The following CNTNAP2 variants were observed in gnomAD, a reference collection of about 807,000 sequenced individuals.
The protein encoded by CNTNAP2 is contactin-associated protein-like 2.
A neutral mutation model predicts 155.2 loss-of-function variants in CNTNAP2; 98 were observed. That is an observed-to-expected ratio of 0.63 (90% CI 0.54 to 0.75). CNTNAP2 has a LOEUF of 0.75. Ranked by LOEUF, CNTNAP2 falls within the 30% of genes least tolerant of loss-of-function variation. The pLI is 0.00. For missense variants in CNTNAP2, 1,727 were observed against 1,688.1 expected (o/e 1.02, Z -0.40); for synonymous variants, 651 against 631.2 (o/e 1.03, Z -0.47).
chr7:146,273,091 A>T (rs1000745252), intron 1 of CNTNAP2, among the ~76,000 whole-genome samples: 1 of 146,514 alleles, frequency 6.8e-6, no homozygotes, highest in Non-Finnish European at 1.5e-5. Flanking sequence ...AGAGAAAGAG[A>T]GAGAGAGAGA....
intron 3 of CNTNAP2, among the ~76,000 whole-genome samples, chr7:146,859,888 G>A (rs2129204928): frequency 6.6e-6 from 1 of 152,168 alleles, no homozygotes; most frequent in African/African-American, 2.4e-5. Context: ...TGCCGGGCTA[G>A]GAAAATATGA....
At chr7:148,157,346 A>G (rs1307352004) in intron 17 of CNTNAP2, among the ~76,000 whole-genome samples, 1 of 152,174 alleles carries the variant, frequency 6.6e-6, no homozygotes, top group East Asian at 1.9e-4. Context: ...CCCAATAAAT[A>G]TTTGCTGAGC....
chr7:147,991,006 G>C (rs572996918), intron 15 of CNTNAP2, among the ~76,000 whole-genome samples: 1 of 152,036 alleles, frequency 6.6e-6, no homozygotes, highest in Non-Finnish European at 1.5e-5. Flanking sequence ...CCACCTAGGG[G>C]CCCACCATGA....
rs144354673 is a variant in CNTNAP2 at position 147,866,177 on chromosome 7, T to A, written c.2099-37388T>A. 8.2e-3 allele frequency among the ~76,000 whole-genome samples: 1,255 copies of A among 152,344 alleles called. 19 individuals carry two copies. The highest frequency in any genetic ancestry group is 0.029 in the African/African-American group (1,185 of 41,574). ...CTTTATTTCTGCCTTCATTTCGTCATGTACCCAGTAGTCATTCAGGAGCAG... is the reference window on the plus strand; with the variant it reads ...CTTTATTTCTGCCTTCATTTCGTCAAGTACCCAGTAGTCATTCAGGAGCAG... On this transcript the variant is annotated intron_variant, in intron 13 of 23. Transcript: ENST00000361727.
At chr7:147,670,918 C>T (rs113931334) in intron 13 of CNTNAP2, among the ~76,000 whole-genome samples, 3,444 of 152,314 alleles carry the variant, frequency 0.023, 145 homozygotes, top group African/African-American at 0.077. Flanking sequence ...AAGCCGTCCA[C>T]GGATGGCAGA....
chr7:146,568,227 A>G (rs73468430), intron 1 of CNTNAP2, among the ~76,000 whole-genome samples: 5,675 of 152,208 alleles, frequency 0.037, 364 homozygotes, highest in African/African-American at 0.13. Flanking sequence ...AAACCACACT[A>G]TGAACAGCAT....
At chr7:146,214,391 A>G (rs1435801014) in intron 1 of CNTNAP2, among the ~76,000 whole-genome samples, 1 of 152,310 alleles carries the variant, frequency 6.6e-6, no homozygotes, top group African/African-American at 2.4e-5. Flanking sequence ...ACCATTCAAC[A>G]TTGTTTACAT....
intron 15 of CNTNAP2, among the ~76,000 whole-genome samples, chr7:148,083,814 T>C (rs73470287): frequency 0.052 from 7,908 of 152,270 alleles, 266 homozygotes; most frequent in Admixed American, 0.12. Context: ...ATACCTACTG[T>C]GTACTCAGCA....
intron 1 of CNTNAP2, among the ~76,000 whole-genome samples, chr7:146,728,866 T>C (rs1295671570): frequency 6.6e-6 from 1 of 152,148 alleles, no homozygotes; most frequent in Non-Finnish European, 1.5e-5. Context: ...TAGAAGGGGA[T>C]GGCCTCTTAG....
At chr7:148,396,579 TGCTATGATCTCTACAGTTGCAGAA>T (rs1218941948) in intron 22 of CNTNAP2, among the ~76,000 whole-genome samples, 2 of 152,234 alleles carry the variant, frequency 1.3e-5, no homozygotes, top group East Asian at 3.8e-4. Flanking sequence ...CTCATGTCCT[TGCTATGATCTCTACAGTTGCAGAA>T]GCATTATCCT....
chr7:147,204,719 T>C (rs761445534), intron 8 of CNTNAP2, among the ~76,000 whole-genome samples: 4 of 152,148 alleles, frequency 2.6e-5, no homozygotes, highest in Non-Finnish European at 5.9e-5. Flanking sequence ...ACCACGCTAA[T>C]GTAATGAATA....
At chr7:146,672,077 G>C (rs1368971685) in intron 1 of CNTNAP2, among the ~76,000 whole-genome samples, 1 of 152,052 alleles carries the variant, frequency 6.6e-6, no homozygotes, top group Non-Finnish European at 1.5e-5. Flanking sequence ...GCCTCCCAAA[G>C]TGCTGGGATT....
rs1224225009 is a variant in CNTNAP2, at chr7:146,306,446, AAG to A, written c.97+189477_97+189478del. ...AAGCCTGGCAGAAACACAACAAAAA[AAG>A]AGAATTTTAGACCAATATCCCTGAT... On this transcript the variant is annotated intron_variant, in intron 1 of 23. Transcript: ENST00000361727. 3.9e-5 allele frequency among the ~76,000 whole-genome samples: 6 copies of A among 152,300 alleles called. No individual in the cohort carries two copies. In the East Asian group the frequency reaches 1.2e-3, roughly 29 times the overall value.
intron 3 of CNTNAP2, among the ~76,000 whole-genome samples, chr7:146,979,469 C>T (rs1283494078): frequency 6.6e-6 from 1 of 152,150 alleles, no homozygotes; most frequent in East Asian, 1.9e-4. Context: ...ATAACAACAC[C>T]CTTGCCCCAC....
At chr7:146,429,816 G>T (rs918133198) in intron 1 of CNTNAP2, among the ~76,000 whole-genome samples, 1 of 152,130 alleles carries the variant, frequency 6.6e-6, no homozygotes, top group African/African-American at 2.4e-5. Context: ...CAAGGGAAAT[G>T]CTTCCAGCTT....
rs572367156 is a variant in CNTNAP2, at chr7:146,193,863, T to C, written c.97+76890T>C. On this transcript the variant is annotated intron_variant, in intron 1 of 23. Coordinates refer to ENST00000361727, the MANE Select transcript of CNTNAP2 (RefSeq NM_014141.6). ...CTTCCTCTTAATCACTTTGCCACCT[T>C]AGAAATTTCTTCCAATGGATACCCT... Among the ~76,000 whole-genome samples the C allele has an allele frequency of 8.6e-4, 131 of 152,308 alleles. 1 individual carries two copies. The highest frequency in any genetic ancestry group is 1.5e-3 in the Non-Finnish European group (103 of 68,018).
At chr7:147,154,913 AG>A (rs985983914) in intron 8 of CNTNAP2, among the ~76,000 whole-genome samples, 2 of 152,144 alleles carry the variant, frequency 1.3e-5, no homozygotes, top group African/African-American at 4.8e-5. Context: ...GTAATTAATA[AG>A]GGGCAAGTCA....
chr7:146,539,005 T>C (rs1202438148), intron 1 of CNTNAP2, among the ~76,000 whole-genome samples: 1 of 152,246 alleles, frequency 6.6e-6, no homozygotes, highest in South Asian at 2.1e-4. Context: ...CCTGTATTCA[T>C]ACACGTAGCC....
Position 146,685,919 on chromosome 7 carries a change from G to T in CNTNAP2, c.98-88352G>T, listed in dbSNP as rs567160098. Among the ~76,000 whole-genome samples the T allele has an allele frequency of 3.3e-5, 5 of 152,196 alleles. No homozygotes were observed. In the East Asian group the frequency reaches 9.7e-4, roughly 29 times the overall value. ...CAGTTATGTGTTCAATGGTAGTATT[G>T]ATACTAGCAAATGTATTTGGTTCTT... On this transcript the variant is annotated intron_variant, in intron 1 of 23. Coordinates refer to ENST00000361727, the MANE Select transcript of CNTNAP2 (RefSeq NM_014141.6).
Sources: allele counts gnomAD v4.1 joint callset (sites outside exome capture counted in the v4.1 genomes callset), GRCh38; gene constraint gnomAD v4.1.1; transcripts MANE v1.5; gene names NCBI Gene and HGNC (gene_info 2026-07-23, HGNC 2026-07-21).